MTMR8: variants seen among roughly 807,000 people sequenced by gnomAD.
MTMR8 encodes phosphatidylinositol-3,5-bisphosphate 3-phosphatase MTMR8.
In MTMR8, 65 loss-of-function variants were observed where a neutral mutation model predicts 39.3. The observed-to-expected ratio is 1.65, with a 90% CI of 1.35 to 2.03. The LOEUF (loss-of-function observed/expected upper bound fraction) is 2.03, where lower values mean the gene tolerates loss of function less well. Among genes scored for constraint, MTMR8 ranks in the 30% most tolerant of loss-of-function variants. The probability of loss-of-function intolerance (pLI) is 0.00; values close to 1 mark genes in which losing one functional copy is unlikely to be tolerated. For synonymous variants in MTMR8, 245 were observed against 185.2 expected, an observed-to-expected ratio of 1.32 and a Z score of -2.62; for missense variants, 777 against 538.9, an observed-to-expected ratio of 1.44 and a Z score of -4.37.
intron 12 of MTMR8, among the ~76,000 whole-genome samples, chrX:64,311,587 A>G (rs1474566178): frequency 9.0e-6 from 1 of 111,223 alleles, no homozygotes; most frequent in African/African-American, 3.3e-5. Context: ...TGTCCTGAAT[A>G]GTACTGCCTA....
In MTMR8 at chrX:64,348,687, A is replaced by C. The variant is rs1923407215; in HGVS notation, c.705T>G (p.Phe235Leu). 1 of 1,209,562 alleles carries C rather than the reference A, an allele frequency of 8.3e-7. No homozygotes were observed. Among genetic ancestry groups the C allele is most frequent in the Non-Finnish European group, 1.1e-6 (1 of 894,828 alleles). Residue 235 changes from phenylalanine (F) to leucine (L), a missense_variant, in exon 6 of 14, where the codon TTT (phenylalanine) becomes TTG (leucine). Physicochemically the swap from Phe to Leu is conservative, Grantham distance 22 (BLOSUM62 0). Transcript: ENST00000374852. ...AISQTNPGSQ[F>L]MYVVDTRPKL... ...TTGGTCTTGTGTCTACAACATACAT[A>C]AACTGGCTCCCTGGGTTTGTTTGGC... is the stretch of plus-strand genomic sequence containing the variant.
intron 12 of MTMR8, among the ~76,000 whole-genome samples, chrX:64,324,750 G>A (rs754626888): frequency 6.5e-4 from 62 of 96,073 alleles, no homozygotes; most frequent in Non-Finnish European, 1.1e-3. Flanking sequence ...ATCTCCCTTC[G>A]CTGACTCTCT....
At chrX:64,369,366 G>A (rs1410416419) in intron 1 of MTMR8, among the ~76,000 whole-genome samples, 1 of 111,789 alleles carries the variant, frequency 8.9e-6, no homozygotes, top group Non-Finnish European at 1.9e-5. Context: ...AACCAACCCA[G>A]ATGTCCATCA....
chrX:64,315,305 C>T (rs903892515), intron 12 of MTMR8, among the ~76,000 whole-genome samples: 1 of 111,786 alleles, frequency 8.9e-6, no homozygotes, highest in Non-Finnish European at 1.9e-5. Flanking sequence ...GTAACAAGTC[C>T]CAGGCATGGT....
chrX:64,331,834 G>A, intron 10 of MTMR8, 77 bp from the exon 11 acceptor site: 1 of 890,210 alleles, frequency 1.1e-6, no homozygotes, highest in Non-Finnish European at 1.6e-6. Context: ...GGCTGTAAGA[G>A]GGTCATCTTT....
chrX:64,285,085 G>A (rs1055550844), intron 12 of MTMR8, among the ~76,000 whole-genome samples: 6 of 111,327 alleles, frequency 5.4e-5, no homozygotes, highest in African/African-American at 2.0e-4. Flanking sequence ...CCCATCTCAC[G>A]TGCAGAGACA....
intron 8 of MTMR8, 64 bp downstream of exon 8, chrX:64,343,547 C>T: frequency 1.5e-6 from 1 of 666,586 alleles, no homozygotes; most frequent in Non-Finnish European, 2.3e-6. Context: ...CACCATGGCA[C>T]ACTACTACTT....
chrX:64,310,058 G>T (rs1255460539), intron 12 of MTMR8, among the ~76,000 whole-genome samples: 2 of 111,269 alleles, frequency 1.8e-5, no homozygotes, highest in African/African-American at 3.3e-5. Context: ...TTTCATGAAA[G>T]ATTCCTCTGT....
chrX:64,339,105 G>A (rs1923150691), intron 8 of MTMR8, among the ~76,000 whole-genome samples: 1 of 111,293 alleles, frequency 9.0e-6, no homozygotes, highest in South Asian at 3.8e-4. Flanking sequence ...ATCTGAACCA[G>A]AGTATAGATT....
chrX:64,286,071 A>G (rs1382410522), intron 12 of MTMR8, among the ~76,000 whole-genome samples: 1 of 111,766 alleles, frequency 8.9e-6, no homozygotes, highest in African/African-American at 3.3e-5. Flanking sequence ...AAACTGATAG[A>G]CTGCCAGCAA....
chrX:64,288,358 T>G (rs1324554002), intron 12 of MTMR8, among the ~76,000 whole-genome samples: 2 of 111,124 alleles, frequency 1.8e-5, no homozygotes, highest in Non-Finnish European at 3.8e-5. Context: ...CATTAAAAAG[T>G]CAGGAAACAA....
intron 12 of MTMR8, among the ~76,000 whole-genome samples, chrX:64,280,686 A>T (rs1376092964): frequency 9.0e-6 from 1 of 111,682 alleles, no homozygotes; most frequent in Non-Finnish European, 1.9e-5. Flanking sequence ...TAGTACTGGA[A>T]GTTCCAGCCA....
Position 64,329,520 on chromosome X carries a change from T to C in MTMR8, c.1353-620A>G, listed in dbSNP as rs183589795. ...GCATTTATATTACAAAATTGATTCT[T>C]ATACTTTAGTTCAGACCATGGGGAG... On this transcript the variant is annotated intron_variant, in intron 11 of 13. Transcript: ENST00000374852. Among the ~76,000 whole-genome samples, 105 of 111,574 alleles carry C rather than the reference T, an allele frequency of 9.4e-4. No individual in the cohort carries two copies. The South Asian group carries it at 0.011, about 11-fold the overall frequency.
At chrX:64,320,863 A>T (rs1262544166) in intron 12 of MTMR8, among the ~76,000 whole-genome samples, 2 of 111,717 alleles carry the variant, frequency 1.8e-5, no homozygotes, top group African/African-American at 6.5e-5. Context: ...ATTGAAGATA[A>T]TACACCAACA....
chrX:64,342,696 G>A (rs1207548988), intron 8 of MTMR8, among the ~76,000 whole-genome samples: 3 of 111,956 alleles, frequency 2.7e-5, no homozygotes, highest in Admixed American at 1.9e-4. Context: ...GATTAGGAAA[G>A]CAAAAAGCAT....
intron 1 of MTMR8, among the ~76,000 whole-genome samples, chrX:64,381,754 T>G (rs775222722): frequency 3.6e-5 from 4 of 111,689 alleles, no homozygotes; most frequent in African/African-American, 1.3e-4. Context: ...ATTTAAGTCT[T>G]TAATCCATCT....
chrX:64,283,515 C>A (rs1231839110), intron 12 of MTMR8, among the ~76,000 whole-genome samples: 1 of 112,042 alleles, frequency 8.9e-6, no homozygotes, highest in Non-Finnish European at 1.9e-5. Flanking sequence ...TGAGAATGGA[C>A]AGACTGCCTA....
At chrX:64,345,726 C>T (rs1214554155) in intron 6 of MTMR8, among the ~76,000 whole-genome samples, 1 of 111,730 alleles carries the variant, frequency 9.0e-6, no homozygotes, top group Non-Finnish European at 1.9e-5. Context: ...AATCCTTCTG[C>T]CTCAGCCTCC....
At chrX:64,385,342 C>T (rs773593709) in intron 1 of MTMR8, among the ~76,000 whole-genome samples, 1 of 111,873 alleles carries the variant, frequency 8.9e-6, no homozygotes, top group South Asian at 3.8e-4. Context: ...AACTTTCCCT[C>T]ATCTTCCTGT....
Sources: allele counts gnomAD v4.1 joint callset (sites outside exome capture counted in the v4.1 genomes callset), GRCh38; gene constraint gnomAD v4.1.1; transcripts MANE v1.5; gene names NCBI Gene and HGNC (gene_info 2026-07-23, HGNC 2026-07-21).